The following FAP variants were observed in gnomAD, a reference collection of about 807,000 sequenced individuals.
FAP encodes prolyl endopeptidase FAP.
In FAP, 110 loss-of-function variants were observed where a neutral mutation model predicts 126.5. The observed-to-expected ratio is 0.87, with a 90% CI of 0.74 to 1.02. FAP has a LOEUF of 1.02. Among genes scored for constraint, FAP ranks in the 50% least tolerant of loss-of-function variants. The pLI is 0.00. For missense variants in FAP, 919 were observed against 909.2 expected, an observed-to-expected ratio of 1.01 and a Z score of -0.14; for synonymous variants, 334 against 297.3, an observed-to-expected ratio of 1.12 and a Z score of -1.27.
At position 162,174,200 on chromosome 2, in the gene FAP, C is replaced by T. The variant is rs140607770; in HGVS notation, c.1970-413G>A. Among the ~76,000 whole-genome samples the T allele has an allele frequency of 3.8e-3, 572 of 152,206 alleles. 8 individuals are homozygous for T. In the East Asian group the frequency reaches 0.042, roughly 11 times the overall value. On this transcript the variant is annotated intron_variant, in intron 22 of 25. Transcript: ENST00000188790. ...TTTCATCTGGGATGAAAATATGTCC[C>T]TCAAATCTATTCCCCCTACACACGT...
intron 12 of FAP, among the ~76,000 whole-genome samples, chr2:162,208,261 A>G (rs1037040662): frequency 1.4e-4 from 22 of 152,128 alleles, no homozygotes; most frequent in South Asian, 2.1e-4. Context: ...TCTTAAAAAA[A>G]AAAAAAAGGT....
At chr2:162,203,270 T>C (rs775322327) in intron 12 of FAP, 125 bp from the exon 13 acceptor site, 5 of 619,732 alleles carry the variant, frequency 8.1e-6, no homozygotes, top group Non-Finnish European at 1.4e-5. Flanking sequence ...GCCTCCTCTG[T>C]CTTCTGTCAT....
At chr2:162,218,250 T>A in intron 8 of FAP, 110 bp from the exon 9 acceptor site, 2 of 703,976 alleles carry the variant, frequency 2.8e-6, no homozygotes, top group Non-Finnish European at 4.4e-6. Context: ...TTAATGTGGA[T>A]GTGACATATG....
chr2:162,222,774 C>T (rs1446209932), intron 6 of FAP, among the ~76,000 whole-genome samples: 1 of 151,964 alleles, frequency 6.6e-6, no homozygotes, highest in South Asian at 2.1e-4. Context: ...TAATTATTTC[C>T]TCATTATTAT....
intron 21 of FAP, chr2:162,175,658 A>G (rs1161906270): frequency 2.6e-5 from 4 of 152,312 alleles, no homozygotes; most frequent in South Asian, 4.1e-4. Flanking sequence ...CAATTTGCAG[A>G]GTCAGGAGTA....
At chr2:162,185,111 T>G (rs1373392171) in intron 20 of FAP, among the ~76,000 whole-genome samples, 1 of 152,098 alleles carries the variant, frequency 6.6e-6, no homozygotes, top group African/African-American at 2.4e-5. Flanking sequence ...TTCTGAAGAG[T>G]TTCCCAGAGG....
intron 23 of FAP, among the ~76,000 whole-genome samples, 177 bp downstream of exon 23, chr2:162,173,542 GAAAA>G (rs942828606): frequency 1.3e-5 from 2 of 151,978 alleles, no homozygotes; most frequent in African/African-American, 4.8e-5. Context: ...GGGAGGATGG[GAAAA>G]GAAAGAACAG....
At chr2:162,222,972 C>T (rs1689474669) in intron 6 of FAP, among the ~76,000 whole-genome samples, 1 of 152,066 alleles carries the variant, frequency 6.6e-6, no homozygotes, top group Non-Finnish European at 1.5e-5. Flanking sequence ...GTCAATGCTT[C>T]GCCTATCTGC....
intron 10 of FAP, among the ~76,000 whole-genome samples, 188 bp downstream of exon 10, chr2:162,215,710 C>T (rs1689135515): frequency 6.6e-6 from 1 of 152,088 alleles, no homozygotes; most frequent in African/African-American, 2.4e-5. Context: ...ACCGAGGTCA[C>T]GTTTATATGT....
At chr2:162,225,166 C>T (rs991896579) in intron 4 of FAP, among the ~76,000 whole-genome samples, 8 of 152,224 alleles carry the variant, frequency 5.3e-5, no homozygotes, top group Middle Eastern at 3.4e-3. Context: ...AGTGAAACCC[C>T]TTACCTAACC....
At chr2:162,237,221 C>T (rs1461184444) in intron 2 of FAP, among the ~76,000 whole-genome samples, 2 of 152,058 alleles carry the variant, frequency 1.3e-5, no homozygotes, top group African/African-American at 4.8e-5. Context: ...TTAATTATTG[C>T]AATTTTTTAA....
intron 11 of FAP, 38 bp downstream of exon 11, chr2:162,213,900 C>T (rs770468620): frequency 2.5e-6 from 4 of 1,597,176 alleles, no homozygotes; most frequent in South Asian, 1.1e-5. Context: ...GTGCCTTGAT[C>T]TTCAGAAATA....
intron 6 of FAP, 55 bp from the exon 7 acceptor site, chr2:162,219,980 A>G: frequency 8.3e-7 from 1 of 1,203,238 alleles, no homozygotes. Flanking sequence ...ATGCAAAAAA[A>G]TAATAATCTG....
At chr2:162,224,582 CAAAG>C in intron 4 of FAP, 42 bp from the exon 5 acceptor site, 3 of 1,200,874 alleles carry the variant, frequency 2.5e-6, no homozygotes, top group Non-Finnish European at 2.4e-6. Flanking sequence ...GAAAAGATAA[CAAAG>C]AACCATGTAA....
intron 16 of FAP, 126 bp from the exon 17 acceptor site, chr2:162,194,874 T>C: frequency 2.5e-6 from 2 of 808,100 alleles, no homozygotes; most frequent in South Asian, 3.0e-5. Flanking sequence ...CTGCAGCTAT[T>C]TTTTTCCCCA....
chr2:162,214,136 T>C, intron 10 of FAP, 63 bp from the exon 11 acceptor site: 1 of 1,543,398 alleles, frequency 6.5e-7, no homozygotes, highest in Non-Finnish European at 8.8e-7. Flanking sequence ...AAATAATTTC[T>C]TAATTTTTGT....
intron 21 of FAP, among the ~76,000 whole-genome samples, chr2:162,179,810 A>ATTTTTTTTTTTTTT (rs1186933075): frequency 9.3e-6 from 1 of 107,126 alleles, no homozygotes; most frequent in African/African-American, 3.0e-5. Flanking sequence ...ATATATATAT[A>ATTTTTTTTTTTTTT]TATTTTTTTT....
chr2:162,203,691 G>A (rs1254379166), intron 12 of FAP, among the ~76,000 whole-genome samples: 1 of 152,098 alleles, frequency 6.6e-6, no homozygotes, highest in Non-Finnish European at 1.5e-5. Flanking sequence ...TGTTGGGGGA[G>A]GTTTACTCCT....
intron 3 of FAP, among the ~76,000 whole-genome samples, chr2:162,225,912 TTTAAG>T (rs1689627459): frequency 6.6e-6 from 1 of 152,214 alleles, no homozygotes; most frequent in South Asian, 2.1e-4. Context: ...ATAAATTACA[TTTAAG>T]TTGTGTTTGG....
Sources: gnomAD v4.1 joint callset for allele counts (sites outside exome capture counted in the v4.1 genomes callset) on GRCh38, gnomAD v4.1.1 for gene constraint, MANE v1.5 for transcripts, NCBI Gene and HGNC (gene_info 2026-07-23, HGNC 2026-07-21) for gene names.